WDR59: variants seen among roughly 807,000 people sequenced by gnomAD.
WDR59 encodes the protein WD repeat domain 59.
WDR59 carries 100 observed loss-of-function variants against 131.2 expected under a neutral mutation model. The ratio of observed to expected loss-of-function variants is 0.76; its 90% CI spans 0.65 to 0.90. The LOEUF (loss-of-function observed/expected upper bound fraction) is 0.90, where lower values mean the gene tolerates loss of function less well. Among genes scored for constraint, WDR59 ranks in the 40% least tolerant of loss-of-function variants. WDR59 has a pLI of 0.00. For missense variants in WDR59, 1,203 were observed against 1,262.2 expected (o/e 0.95, Z 0.71); for synonymous variants, 601 against 466.2 (o/e 1.29, Z -3.72).
intron 23 of WDR59, among the ~76,000 whole-genome samples, chr16:74,887,476 A>C (rs1964822423): frequency 6.6e-6 from 1 of 152,200 alleles, no homozygotes; most frequent in Non-Finnish European, 1.5e-5. Context: ...GATGAAAAGC[A>C]ACACAGCAAG....
At chr16:74,933,279 G>T (rs889672419) in intron 8 of WDR59, among the ~76,000 whole-genome samples, 4 of 152,134 alleles carry the variant, frequency 2.6e-5, no homozygotes, top group African/African-American at 9.7e-5. Flanking sequence ...TGCAGCCTGG[G>T]TGACACAGTG....
chr16:74,905,687 A>C (rs2144899482), intron 17 of WDR59, among the ~76,000 whole-genome samples: 1 of 151,726 alleles, frequency 6.6e-6, no homozygotes, highest in East Asian at 1.9e-4. Flanking sequence ...GACTCAAAAA[A>C]TAATAATAAT....
At chr16:74,931,829 G>A (rs1262582316) in intron 8 of WDR59, among the ~76,000 whole-genome samples, 2 of 151,858 alleles carry the variant, frequency 1.3e-5, no homozygotes, top group African/African-American at 4.8e-5. Flanking sequence ...AGCTGTGATT[G>A]TGCCATTGTA....
At chr16:74,877,500 G>T (rs1282991917) in intron 25 of WDR59, among the ~76,000 whole-genome samples, 1 of 151,978 alleles carries the variant, frequency 6.6e-6, no homozygotes, top group South Asian at 2.1e-4. Context: ...AAAAGTCTAG[G>T]GTTCTTAATT....
chr16:74,922,395 ACT>A (rs1415731386), intron 9 of WDR59, among the ~76,000 whole-genome samples: 1 of 152,176 alleles, frequency 6.6e-6, no homozygotes, highest in Non-Finnish European at 1.5e-5. Context: ...AATGAAACAC[ACT>A]GTTTCACATC....
chr16:74,917,169 C>G (rs1966430313), intron 11 of WDR59, among the ~76,000 whole-genome samples: 1 of 152,156 alleles, frequency 6.6e-6, no homozygotes. Flanking sequence ...CAAAGCAGCT[C>G]ATGCCAGGTA....
intron 7 of WDR59, among the ~76,000 whole-genome samples, chr16:74,938,512 G>A (rs2145081228): frequency 6.6e-6 from 1 of 152,176 alleles, no homozygotes; most frequent in South Asian, 2.1e-4. Flanking sequence ...TTCAATGAAG[G>A]ATACAAGGTA....
At chr16:74,907,776 T>G (rs4887791) in intron 17 of WDR59, among the ~76,000 whole-genome samples, 4 of 152,008 alleles carry the variant, frequency 2.6e-5, no homozygotes, top group African/African-American at 9.7e-5. Flanking sequence ...ACAGGAAACA[T>G]GGAGCACTTC....
chr16:74,904,262 T>A, intron 17 of WDR59, 162 bp from the exon 18 acceptor site: 1 of 778,636 alleles, frequency 1.3e-6, no homozygotes, highest in Non-Finnish European at 2.0e-6. Flanking sequence ...AAATGCTTTA[T>A]CTGCACAAGC....
chr16:74,956,839 C>T (rs570890098), intron 2 of WDR59, among the ~76,000 whole-genome samples: 1 of 152,236 alleles, frequency 6.6e-6, no homozygotes, highest in South Asian at 2.1e-4. Context: ...CCAGAGATGG[C>T]CTTCCCTACC....
intron 22 of WDR59, 116 bp downstream of exon 22, chr16:74,888,053 G>A: frequency 2.3e-6 from 3 of 1,317,674 alleles, no homozygotes; most frequent in Non-Finnish European, 2.0e-6. Context: ...AGGAGGCGGA[G>A]GTTGCAGTGA....
Position 74,948,512 on chromosome 16 carries a change from C to T in WDR59, c.445+7G>A, listed in dbSNP as rs2032790706. On this transcript the variant is annotated splice_region_variant and intron_variant, in intron 6 of 25. Coordinates refer to ENST00000262144, the MANE Select transcript of WDR59 (RefSeq NM_030581.4). Reference sequence around the variant, plus strand: ...GCCAGGGTGAGGTGGGAGAAGCATACACTCACCAACAGCAGACAGTGCAAC... The same window carrying T: ...GCCAGGGTGAGGTGGGAGAAGCATATACTCACCAACAGCAGACAGTGCAAC... 1.9e-6 allele frequency: 3 copies of T among 1,613,166 alleles called. No homozygotes were observed. The highest frequency in any genetic ancestry group is 1.6e-4 in the Middle Eastern group (1 of 6,062).
chr16:74,976,944 T>A (rs1376597388), intron 1 of WDR59, among the ~76,000 whole-genome samples: 1 of 151,878 alleles, frequency 6.6e-6, no homozygotes, highest in Non-Finnish European at 1.5e-5. Context: ...GAGGCAGAGG[T>A]TGCACTGATT....
At chr16:74,971,768 A>C (rs994397698) in intron 1 of WDR59, among the ~76,000 whole-genome samples, 10 of 152,144 alleles carry the variant, frequency 6.6e-5, no homozygotes, top group Admixed American at 3.9e-4. Context: ...CCAAGGCTGG[A>C]GTGCAGTGGT....
At chr16:74,964,870 C>A (rs1161651851) in intron 2 of WDR59, among the ~76,000 whole-genome samples, 1 of 152,032 alleles carries the variant, frequency 6.6e-6, no homozygotes, top group Non-Finnish European at 1.5e-5. Context: ...CGAGGTCAGC[C>A]TGGCCAACAT....
intron 4 of WDR59, 41 bp from the exon 5 acceptor site, chr16:74,949,839 A>G: frequency 1.9e-6 from 3 of 1,597,940 alleles, no homozygotes; most frequent in Non-Finnish European, 2.6e-6. Flanking sequence ...AAAGGAAAAA[A>G]ATTCAGAGTC....
At chr16:74,919,855 C>T (rs1355371167) in intron 10 of WDR59, among the ~76,000 whole-genome samples, 1 of 152,082 alleles carries the variant, frequency 6.6e-6, no homozygotes, top group Non-Finnish European at 1.5e-5. Flanking sequence ...ATGAAGTGGT[C>T]CAATAAAAAT....
At chr16:74,974,092 C>T (rs2034092278) in intron 1 of WDR59, among the ~76,000 whole-genome samples, 1 of 152,170 alleles carries the variant, frequency 6.6e-6, no homozygotes, top group Non-Finnish European at 1.5e-5. Context: ...ATTGCTTCAA[C>T]CCAGGAGGCA....
intron 25 of WDR59, among the ~76,000 whole-genome samples, chr16:74,875,384 C>T (rs1052155901): frequency 6.6e-6 from 1 of 151,986 alleles, no homozygotes; most frequent in Non-Finnish European, 1.5e-5. Flanking sequence ...CCCATCGCTG[C>T]CTCCAGACTG....
Sources: gnomAD v4.1 joint callset for allele counts (sites outside exome capture counted in the v4.1 genomes callset) on GRCh38, gnomAD v4.1.1 for gene constraint, MANE v1.5 for transcripts, NCBI Gene and HGNC (gene_info 2026-07-23, HGNC 2026-07-21) for gene names.